The following TENM3 variants were observed in gnomAD, a reference collection of about 807,000 sequenced individuals.
TENM3 encodes teneurin transmembrane protein 3.
Under a neutral mutation model 255.1 loss-of-function variants are expected in TENM3, and 63 were observed. The observed-to-expected ratio is 0.25, with a 90% confidence interval of 0.20 to 0.30. The LOEUF (loss-of-function observed/expected upper bound fraction) is 0.30. TENM3 is among the 10% of genes least tolerant of loss of function. The pLI, the probability that TENM3 is intolerant of heterozygous loss-of-function variation, is 1.00. For synonymous variants in TENM3, 1,306 were observed against 1,322.3 expected (o/e 0.99, Z 0.27); for missense variants, 2,929 against 3,461.1 (o/e 0.85, Z 3.86).
At chr4:182,528,597 G>T (rs1055542106) in intron 3 of TENM3, among the ~76,000 whole-genome samples, 1 of 152,074 alleles carries the variant, frequency 6.6e-6, no homozygotes, top group Admixed American at 6.5e-5. Flanking sequence ...ATGCAAAAAT[G>T]CTTCTTTTAT....
the TENM3 span, among the ~76,000 whole-genome samples, chr4:181,477,526 T>A: frequency 6.6e-6 from 1 of 152,192 alleles, no homozygotes; most frequent in East Asian, 1.9e-4. Flanking sequence ...AAGGTTTGAA[T>A]ACCCACAACT....
At chr4:182,228,306 A>G (rs1579808106) in intron 1 of TENM3, among the ~76,000 whole-genome samples, 1 of 150,750 alleles carries the variant, frequency 6.6e-6, no homozygotes, top group South Asian at 2.1e-4. Flanking sequence ...TACTATCTAT[A>G]TGTGTCTCAT....
the TENM3 span, among the ~76,000 whole-genome samples, chr4:181,815,699 A>G: frequency 1.3e-5 from 2 of 152,172 alleles, no homozygotes; most frequent in African/African-American, 2.4e-5. Context: ...TCATTTTCCA[A>G]GAAATAAGCA....
the TENM3 span, among the ~76,000 whole-genome samples, chr4:181,966,634 A>C: frequency 2.0e-5 from 3 of 152,214 alleles, no homozygotes; most frequent in Admixed American, 2.0e-4. Context: ...CTGGCAAAGA[A>C]TTAGTAAAGG....
chr4:182,733,639 T>A (rs2152718720), intron 16 of TENM3, among the ~76,000 whole-genome samples: 1 of 152,018 alleles, frequency 6.6e-6, no homozygotes, highest in Non-Finnish European at 1.5e-5. Flanking sequence ...AGATAGAGAC[T>A]ACAAGAGGTG....
the TENM3 span, among the ~76,000 whole-genome samples, chr4:181,787,406 T>C: frequency 3.3e-5 from 5 of 151,222 alleles, no homozygotes; most frequent in African/African-American, 1.2e-4. Context: ...TGGCGCCATC[T>C]CAGCTTACTG....
the TENM3 span, among the ~76,000 whole-genome samples, chr4:182,055,127 G>A: frequency 2.0e-5 from 3 of 152,086 alleles, no homozygotes; most frequent in Non-Finnish European, 4.4e-5. Context: ...CGGGCAGATC[G>A]CTTGAGCCCA....
At chr4:182,490,026 G>A (rs867726840) in intron 3 of TENM3, among the ~76,000 whole-genome samples, 9 of 152,152 alleles carry the variant, frequency 5.9e-5, no homozygotes, top group African/African-American at 2.2e-4. Context: ...AATTCTGTTG[G>A]AGAAAGCAGA....
the TENM3 span, among the ~76,000 whole-genome samples, chr4:181,562,565 T>A: frequency 1.3e-5 from 2 of 152,218 alleles, no homozygotes; most frequent in African/African-American, 4.8e-5. Flanking sequence ...CTATTTTAGT[T>A]TTTTTTCTTT....
At chr4:181,921,196 A>G in the TENM3 span, among the ~76,000 whole-genome samples, 1 of 152,148 alleles carries the variant, frequency 6.6e-6, no homozygotes, top group African/African-American at 2.4e-5. Context: ...CTTTTGGCTT[A>G]GGATTGACTT....
At chr4:182,364,424 T>G (rs1766261892) in intron 3 of TENM3, among the ~76,000 whole-genome samples, 1 of 152,218 alleles carries the variant, frequency 6.6e-6, no homozygotes, top group Non-Finnish European at 1.5e-5. Context: ...GTTTTTTGTT[T>G]TTGTTTTTTT....
the TENM3 span, among the ~76,000 whole-genome samples, chr4:181,733,314 A>T: frequency 6.6e-6 from 1 of 152,334 alleles, no homozygotes; most frequent in Admixed American, 6.5e-5. Context: ...GTTATTTTCC[A>T]AAATCTTCTC....
chr4:181,476,940 C>A, the TENM3 span, among the ~76,000 whole-genome samples: 3 of 152,180 alleles, frequency 2.0e-5, no homozygotes, highest in African/African-American at 7.2e-5. Context: ...GCTTTCCACA[C>A]CTGTGTTATC....
chr4:182,674,522 T>C (rs941811015), intron 7 of TENM3, among the ~76,000 whole-genome samples: 6 of 152,178 alleles, frequency 3.9e-5, no homozygotes, highest in African/African-American at 1.2e-4. Flanking sequence ...AATGTACTAA[T>C]GCCCAATTTT....
the TENM3 span, among the ~76,000 whole-genome samples, chr4:182,019,128 A>T: frequency 6.6e-6 from 1 of 152,180 alleles, no homozygotes; most frequent in Non-Finnish European, 1.5e-5. Context: ...CCATTTCTGA[A>T]GCCACTCTCA....
the TENM3 span, among the ~76,000 whole-genome samples, chr4:181,468,255 C>G: frequency 6.6e-6 from 1 of 152,194 alleles, no homozygotes; most frequent in East Asian, 1.9e-4. Flanking sequence ...GCCTGGGCCA[C>G]AGAGTGAGGC....
chr4:182,561,287 TA>T (rs975487866), intron 3 of TENM3, among the ~76,000 whole-genome samples: 1 of 151,644 alleles, frequency 6.6e-6, no homozygotes, highest in African/African-American at 2.4e-5. Context: ...AATATGTAAA[TA>T]AAAATGATTT....
At chr4:181,895,261 G>A in the TENM3 span, among the ~76,000 whole-genome samples, 1 of 151,896 alleles carries the variant, frequency 6.6e-6, no homozygotes, top group African/African-American at 2.4e-5. Context: ...TTATCTTTTA[G>A]TGAGGGCCTA....
the TENM3 span, among the ~76,000 whole-genome samples, chr4:182,066,705 T>A: frequency 6.6e-6 from 1 of 151,066 alleles, no homozygotes; most frequent in African/African-American, 2.4e-5. Flanking sequence ...GGTCAGGAGA[T>A]CGAGACCGTC....
Sources: allele counts gnomAD v4.1 joint callset (sites outside exome capture counted in the v4.1 genomes callset), GRCh38; gene constraint gnomAD v4.1.1; transcripts MANE v1.5; gene names NCBI Gene and HGNC (gene_info 2026-07-23, HGNC 2026-07-21).